Variants in CSMD1 observed in about 807,000 individuals in gnomAD.
CSMD1 encodes CUB and sushi domain-containing protein 1.
In CSMD1, 213 loss-of-function variants were observed where a neutral mutation model predicts 417.5. That is an observed-to-expected ratio of 0.51 (90% CI 0.46 to 0.57). CSMD1 has a LOEUF of 0.57. Ranked by LOEUF, CSMD1 falls within the 20% of genes least tolerant of loss-of-function variation. CSMD1 has a pLI of 0.00. For synonymous variants in CSMD1, 2,862 were observed against 1,736.8 expected (o/e 1.65, Z -16.11); for missense variants, 6,923 against 4,529.7 (o/e 1.53, Z -15.17).
At chr8:3,477,692 C>T (rs1817511503) in intron 11 of CSMD1, among the ~76,000 whole-genome samples, 1 of 152,164 alleles carries the variant, frequency 6.6e-6, no homozygotes, top group South Asian at 2.1e-4. Context: ...TAAGCCAAAC[C>T]AGAAGGAATT....
intron 6 of CSMD1, among the ~76,000 whole-genome samples, chr8:3,731,943 G>A (rs1021190386): frequency 6.6e-6 from 1 of 152,054 alleles, no homozygotes; most frequent in African/African-American, 2.4e-5. Context: ...ACCATACAAT[G>A]GACTCCAAAC....
chr8:4,444,424 G>A (rs1206248864), intron 2 of CSMD1, among the ~76,000 whole-genome samples: 1 of 144,684 alleles, frequency 6.9e-6, no homozygotes, highest in Admixed American at 7.1e-5. Context: ...CTCAAAAATG[G>A]ACAACTTTTA....
At chr8:3,304,996 A>AATT (rs1370781845) in intron 25 of CSMD1, among the ~76,000 whole-genome samples, 10 of 152,166 alleles carry the variant, frequency 6.6e-5, no homozygotes, top group African/African-American at 2.4e-4. Flanking sequence ...TTTTTACATT[A>AATT]CTCAAATCTA....
chr8:3,770,424 G>A (rs372536867), intron 5 of CSMD1, among the ~76,000 whole-genome samples: 4 of 152,142 alleles, frequency 2.6e-5, no homozygotes, highest in Admixed American at 1.3e-4. Context: ...AGCTACTCGA[G>A]AGGCTGAGGC....
At chr8:4,507,492 G>A (rs552245992) in intron 2 of CSMD1, among the ~76,000 whole-genome samples, 3 of 152,256 alleles carry the variant, frequency 2.0e-5, no homozygotes, top group Non-Finnish European at 2.9e-5. Flanking sequence ...AAATACAAGA[G>A]TCTAACCCTC....
intron 5 of CSMD1, among the ~76,000 whole-genome samples, chr8:3,796,006 ATATAGATATATAT>A (rs1800075848): frequency 3.2e-5 from 2 of 63,300 alleles, no homozygotes; most frequent in East Asian, 3.6e-4. Flanking sequence ...TCTATCATGT[ATATAGATATATAT>A]CATGTATAGA....
intron 1 of CSMD1, among the ~76,000 whole-genome samples, chr8:4,893,721 T>A (rs940490720): frequency 2.0e-5 from 3 of 152,194 alleles, no homozygotes; most frequent in African/African-American, 7.2e-5. Context: ...TACATAAAAG[T>A]CTTCTTCTGG....
chr8:3,581,475 C>G (rs908771147), intron 9 of CSMD1, among the ~76,000 whole-genome samples: 2 of 152,208 alleles, frequency 1.3e-5, no homozygotes, highest in African/African-American at 4.8e-5. Context: ...GCTAACCACA[C>G]CAGCCTCCAG....
chr8:3,913,410 C>A (rs1033638968), intron 5 of CSMD1, among the ~76,000 whole-genome samples: 12 of 152,074 alleles, frequency 7.9e-5, no homozygotes, highest in Admixed American at 6.5e-5. Context: ...AGAAGCAAAC[C>A]ACTGGGATGT....
At chr8:4,263,289 G>A (rs920718149) in intron 3 of CSMD1, among the ~76,000 whole-genome samples, 7 of 151,942 alleles carry the variant, frequency 4.6e-5, no homozygotes, top group East Asian at 1.9e-4. Context: ...AAAAATGTAC[G>A]GTACAGATTT....
rs186294991 is a variant in CSMD1 at position 3,187,876 on chromosome 8, G to A, written c.5613C>T (p.Ser1871=). Residue 1871 remains serine (S), a synonymous_variant, in exon 36 of 70, where the codon AGC becomes AGT. Transcript: ENST00000635120. ...GGDVTAPRLG[S]FSGTTVPALL... is the part of the protein sequence containing the mutation. ...AAATTGACTCCATCTTACCTGAGAA[G>A]CTTCCCAGTCTGGGTGCGGTCACAT... The A allele has an allele frequency of 3.6e-5, 58 of 1,612,486 alleles. No individual in the cohort carries two copies. In the African/African-American group the frequency reaches 5.3e-4, roughly 15 times the overall value.
At chr8:4,773,990 G>C (rs1254286133) in intron 1 of CSMD1, among the ~76,000 whole-genome samples, 11 of 152,118 alleles carry the variant, frequency 7.2e-5, no homozygotes, top group Admixed American at 7.2e-4. Flanking sequence ...CAGGTCAGGA[G>C]TTCAAGACCA....
intron 5 of CSMD1, among the ~76,000 whole-genome samples, chr8:3,940,359 G>A (rs1357116102): frequency 2.0e-5 from 3 of 151,752 alleles, no homozygotes; most frequent in African/African-American, 7.3e-5. Flanking sequence ...CAATGGTGGG[G>A]GGAAAACAGT....
intron 25 of CSMD1, among the ~76,000 whole-genome samples, chr8:3,292,240 C>T (rs1013613826): frequency 6.6e-6 from 1 of 152,174 alleles, no homozygotes; most frequent in Non-Finnish European, 1.5e-5. Flanking sequence ...GAGTGCTTTA[C>T]TTCCAACTAT....
intron 3 of CSMD1, among the ~76,000 whole-genome samples, chr8:4,384,237 T>C (rs764898446): frequency 2.0e-5 from 3 of 149,826 alleles, no homozygotes; most frequent in Non-Finnish European, 4.4e-5. Context: ...ACAGAAGTGA[T>C]AAATTACAGA....
At chr8:3,082,709 T>C (rs1814194342) in intron 49 of CSMD1, among the ~76,000 whole-genome samples, 1 of 152,232 alleles carries the variant, frequency 6.6e-6, no homozygotes, top group African/African-American at 2.4e-5. Flanking sequence ...AGACACATAG[T>C]TAACATCGCT....
intron 3 of CSMD1, among the ~76,000 whole-genome samples, chr8:4,171,784 T>A (rs938562049): frequency 1.3e-5 from 2 of 152,206 alleles, no homozygotes; most frequent in Non-Finnish European, 1.5e-5. Flanking sequence ...CAATCCAATT[T>A]ACTTGAGTAA....
At chr8:4,974,583 A>G (rs1323310394) in intron 1 of CSMD1, among the ~76,000 whole-genome samples, 1 of 152,174 alleles carries the variant, frequency 6.6e-6, no homozygotes, top group African/African-American at 2.4e-5. Flanking sequence ...TCGACGTTTT[A>G]TGTATAACAA....
intron 2 of CSMD1, among the ~76,000 whole-genome samples, chr8:4,446,687 C>T (rs1188777869): frequency 2.6e-5 from 4 of 150,968 alleles, no homozygotes; most frequent in Admixed American, 6.6e-5. Context: ...TGAGTAGCTG[C>T]GATTACTCGT....
Sources: allele counts gnomAD v4.1 joint callset (sites outside exome capture counted in the v4.1 genomes callset), GRCh38; gene constraint gnomAD v4.1.1; transcripts MANE v1.5; gene names NCBI Gene and HGNC (gene_info 2026-07-23, HGNC 2026-07-21).